The following ANKRD17 variants were observed in gnomAD, a reference collection of about 807,000 sequenced individuals.
The protein encoded by ANKRD17 is ankyrin repeat domain 17.
ANKRD17 carries 19 observed loss-of-function variants against 229.7 expected under a neutral mutation model. That is an observed-to-expected ratio of 0.08 (90% CI 0.06 to 0.12). The LOEUF (loss-of-function observed/expected upper bound fraction) is 0.12, where lower values mean the gene tolerates loss of function less well. ANKRD17 is among the 10% of genes least tolerant of loss of function. ANKRD17 has a pLI of 1.00. For missense variants in ANKRD17, 2,176 were observed against 3,176.8 expected (o/e 0.68, Z 7.57); for synonymous variants, 1,112 against 1,146.1 (o/e 0.97, Z 0.60).
intron 28 of ANKRD17, among the ~76,000 whole-genome samples, chr4:73,092,800 T>A (rs1722912290): frequency 6.6e-6 from 1 of 152,184 alleles, no homozygotes; most frequent in African/African-American, 2.4e-5. Flanking sequence ...CTGGGATGAC[T>A]CCGTCTACTA....
intron 1 of ANKRD17, among the ~76,000 whole-genome samples, chr4:73,216,572 G>A (rs567312221): frequency 3.5e-4 from 53 of 152,294 alleles, no homozygotes; most frequent in African/African-American, 1.3e-3. Flanking sequence ...TGTGCTAAAT[G>A]TTTATGCAGA....
chr4:73,255,456 CTTT>C (rs940638640), intron 1 of ANKRD17, among the ~76,000 whole-genome samples: 1 of 151,932 alleles, frequency 6.6e-6, no homozygotes, highest in Non-Finnish European at 1.5e-5. Flanking sequence ...ATTTTATCTA[CTTT>C]TTTTTATTGT....
chr4:73,112,790 A>T lies in ANKRD17; in HGVS notation c.4401+1002T>A, dbSNP rs78578749. ...ATAGCATTTTGACCTTTTTAAAAAAATTTTATTTATTTTTTGAGACGGAGT... is the reference window on the plus strand; with the variant it reads ...ATAGCATTTTGACCTTTTTAAAAAATTTTTATTTATTTTTTGAGACGGAGT... On this transcript the variant is annotated intron_variant, in intron 24 of 33. Transcript: ENST00000358602. The T allele has an allele frequency of 3.3e-5, 24 of 735,872 alleles. 1 individual carries two copies. The highest frequency in any genetic ancestry group is 1.9e-4 in the South Asian group (3 of 16,028). The allele number at this position is 735,872 out of a possible 1,614,324, so 45.6% of individuals were successfully genotyped here. A position where few individuals can be genotyped will look rare whatever the true frequency, so the allele number is the denominator to read the frequency against.
chr4:73,240,458 CAAAAAAA>C (rs34164034), intron 1 of ANKRD17, among the ~76,000 whole-genome samples: 6 of 114,852 alleles, frequency 5.2e-5, no homozygotes, highest in African/African-American at 1.4e-4. Flanking sequence ...ACTATCTCTA[CAAAAAAA>C]AAAAAAAAAA....
chr4:73,250,457 G>C (rs1479051292), intron 1 of ANKRD17, among the ~76,000 whole-genome samples: 1 of 151,466 alleles, frequency 6.6e-6, no homozygotes, highest in Non-Finnish European at 1.5e-5. Context: ...AAAACAATTA[G>C]CCAGGCGCAG....
chr4:73,090,558 A>C (rs2110157336), intron 29 of ANKRD17, 109 bp downstream of exon 29: 2 of 1,386,330 alleles, frequency 1.4e-6, no homozygotes, highest in Non-Finnish European at 2.0e-6. Flanking sequence ...TAAATCCAAC[A>C]ATCTTTGTCT....
At chr4:73,235,085 A>G (rs1326359536) in intron 1 of ANKRD17, among the ~76,000 whole-genome samples, 1 of 152,120 alleles carries the variant, frequency 6.6e-6, no homozygotes, top group Non-Finnish European at 1.5e-5. Flanking sequence ...TGGTACCTGT[A>G]GTGGACTGTG....
intron 28 of ANKRD17, among the ~76,000 whole-genome samples, chr4:73,092,815 T>G (rs1439683687): frequency 6.6e-6 from 1 of 152,188 alleles, no homozygotes; most frequent in Admixed American, 6.5e-5. Context: ...CTACTAAAAA[T>G]TCATTAGTAG....
At chr4:73,184,823 T>C (rs912650743) in intron 1 of ANKRD17, among the ~76,000 whole-genome samples, 3 of 152,144 alleles carry the variant, frequency 2.0e-5, no homozygotes, top group African/African-American at 4.8e-5. Flanking sequence ...AAAACAATTA[T>C]GAATGAGAGT....
chr4:73,204,238 G>A (rs1378818211), intron 1 of ANKRD17, among the ~76,000 whole-genome samples: 1 of 151,148 alleles, frequency 6.6e-6, no homozygotes, highest in Non-Finnish European at 1.5e-5. Flanking sequence ...GCGGGCTCCT[G>A]TAGTCCCAGC....
chr4:73,171,218 A>AGAGAGAGAGAGAGAGG (rs1560646272), intron 2 of ANKRD17, among the ~76,000 whole-genome samples: 15 of 150,760 alleles, frequency 9.9e-5, no homozygotes, highest in African/African-American at 3.2e-4. Context: ...AGAGAGAGAG[A>AGAGAGAGAGAGAGAGG]GAGACTGAGA....
chr4:73,229,831 T>C (rs963591084), intron 1 of ANKRD17, among the ~76,000 whole-genome samples: 3 of 152,162 alleles, frequency 2.0e-5, no homozygotes, highest in Non-Finnish European at 4.4e-5. Flanking sequence ...AGACCCAGAA[T>C]TGTTTGGGAA....
At chr4:73,130,028 G>T (rs1422306492) in intron 16 of ANKRD17, among the ~76,000 whole-genome samples, 1 of 152,078 alleles carries the variant, frequency 6.6e-6, no homozygotes, top group Non-Finnish European at 1.5e-5. Context: ...GCCTCCCAAA[G>T]TGCTGGGATT....
At chr4:73,177,317 T>G in intron 2 of ANKRD17, 63 bp downstream of exon 2, 5 of 1,373,606 alleles carry the variant, frequency 3.6e-6, no homozygotes, top group Non-Finnish European at 4.8e-6. Flanking sequence ...AACAAGAGCT[T>G]TTATTAGATT....
chr4:73,125,061 G>A lies in ANKRD17; in HGVS notation c.3347-3C>T. 1.2e-6 allele frequency: 2 copies of A among 1,613,704 alleles called. No homozygotes were observed. The highest frequency in any genetic ancestry group is 1.1e-5 in the South Asian group (1 of 91,016). ...AGCCAAGATGAGTGGAGTAAAACCTGGAGAAAAATAATGATCTTCTCACTA... is the reference window on the plus strand; with the variant it reads ...AGCCAAGATGAGTGGAGTAAAACCTAGAGAAAAATAATGATCTTCTCACTA... On this transcript the variant is annotated splice_polypyrimidine_tract_variant and splice_region_variant and intron_variant, in intron 17 of 33. Transcript: ENST00000358602.
At chr4:73,207,807 G>A (rs1456052816) in intron 1 of ANKRD17, among the ~76,000 whole-genome samples, 2 of 152,050 alleles carry the variant, frequency 1.3e-5, no homozygotes, top group African/African-American at 4.8e-5. Context: ...AGGAAGAATG[G>A]GACTCTCTAC....
chr4:73,211,185 A>G (rs1457732401), intron 1 of ANKRD17, among the ~76,000 whole-genome samples: 1 of 152,130 alleles, frequency 6.6e-6, no homozygotes, highest in East Asian at 1.9e-4. Flanking sequence ...TACAGAGCAG[A>G]AAATAGTAGG....
chr4:73,205,894 A>C lies in ANKRD17; in HGVS notation c.394-28361T>G, dbSNP rs74765139. On this transcript the variant is annotated intron_variant, in intron 1 of 33. Coordinates refer to ENST00000358602, the MANE Select transcript of ANKRD17 (RefSeq NM_032217.5). ...ATAAAAATCTTAGTGGCAAGAAAACAACCTGATTTTTTTAAAAAAATGGGC... is the reference window on the plus strand; with the variant it reads ...ATAAAAATCTTAGTGGCAAGAAAACCACCTGATTTTTTTAAAAAAATGGGC... Among the ~76,000 whole-genome samples the C allele has an allele frequency of 9.3e-3, 1,421 of 152,304 alleles. 82 individuals are homozygous for C. The East Asian group carries it at 0.17, about 18-fold the overall frequency.
chr4:73,179,637 GCA>G (rs1735282694), intron 1 of ANKRD17, among the ~76,000 whole-genome samples: 1 of 150,262 alleles, frequency 6.7e-6, no homozygotes, highest in Non-Finnish European at 1.5e-5. Flanking sequence ...GGGATTACAG[GCA>G]CACACCACGC....
Sources: gnomAD v4.1 joint callset for allele counts (sites outside exome capture counted in the v4.1 genomes callset) on GRCh38, gnomAD v4.1.1 for gene constraint, MANE v1.5 for transcripts, NCBI Gene and HGNC (gene_info 2026-07-23, HGNC 2026-07-21) for gene names.